ATG5: variants seen among roughly 807,000 people sequenced by gnomAD.
ATG5 encodes the protein autophagy protein 5.
Under a neutral mutation model 36.5 loss-of-function variants are expected in ATG5, and 14 were observed. The ratio of observed to expected loss-of-function variants is 0.38; its 90% CI spans 0.25 to 0.60. The LOEUF (loss-of-function observed/expected upper bound fraction) is 0.60, where lower values mean the gene tolerates loss of function less well. ATG5 is among the 20% of genes least tolerant of loss of function. The probability of loss-of-function intolerance (pLI) is 0.60; values close to 1 mark genes in which losing one functional copy is unlikely to be tolerated. For missense variants in ATG5, 195 were observed against 326.7 expected, an observed-to-expected ratio of 0.60 and a Z score of 3.11; for synonymous variants, 95 against 101.5, an observed-to-expected ratio of 0.94 and a Z score of 0.38.
rs374402837 is a variant in ATG5 at position 106,202,119 on chromosome 6, C to A, written c.574-30G>T. On this transcript the variant is annotated intron_variant, in intron 6 of 7. Coordinates refer to ENST00000369076, the MANE Select transcript of ATG5 (RefSeq NM_004849.4). Reference sequence around the variant, plus strand: ...TTGAAAAAGGAAAAAATGATTCAAGCAATTAAGTCTTTGTTGCTGCCAATT... The same window carrying A: ...TTGAAAAAGGAAAAAATGATTCAAGAAATTAAGTCTTTGTTGCTGCCAATT... 4 of 1,568,206 alleles carry A rather than the reference C, an allele frequency of 2.6e-6. No individual in the cohort carries two copies. The African/African-American group carries it at 4.1e-5, about 16-fold the overall frequency.
At chr6:106,197,031 A>C (rs9486304) in intron 7 of ATG5, among the ~76,000 whole-genome samples, 26,612 of 152,214 alleles carry the variant, frequency 0.17, 2,750 homozygotes, top group African/African-American at 0.28. Context: ...GGGACTAGCA[A>C]ATATGGATCA....
intron 2 of ATG5, among the ~76,000 whole-genome samples, chr6:106,313,773 G>A (rs997024024): frequency 5.9e-5 from 9 of 152,050 alleles, no homozygotes; most frequent in Non-Finnish European, 1.3e-4. Flanking sequence ...CATATTATCT[G>A]AACTACAGCT....
intron 7 of ATG5, among the ~76,000 whole-genome samples, chr6:106,199,455 GT>G (rs1776335115): frequency 6.6e-6 from 1 of 152,168 alleles, no homozygotes; most frequent in Non-Finnish European, 1.5e-5. Flanking sequence ...GAAAAAAACA[GT>G]TGCACAAGAC....
intron 6 of ATG5, among the ~76,000 whole-genome samples, chr6:106,210,676 G>C (rs1776819618): frequency 6.6e-6 from 1 of 152,118 alleles, no homozygotes; most frequent in Non-Finnish European, 1.5e-5. Context: ...TCCAATCCCA[G>C]CTCTGTCAAT....
In ATG5 at chr6:106,186,670, TC is replaced by T; in HGVS notation, c.697del (p.Glu233LysfsTer6). 6.2e-7 allele frequency: 1 copy of T among 1,613,324 alleles called. No homozygotes were observed. The highest frequency in any genetic ancestry group is 8.5e-7 in the Non-Finnish European group (1 of 1,179,812). ...CPSAIDPEDGEKKNQVMIHGI... is the reference protein window; with the variant it reads ...CPSAIDPEDGXKKNQVMIHGI... ...ATGAATCATCACTTGATTCTTTTTT[TC>T]CCCATCTATTCCAAGAAAGAAACCC... On this transcript the variant is annotated frameshift_variant, in exon 8 of 8. Transcript: ENST00000369076. LOFTEE classifies it high-confidence loss of function.
chr6:106,270,000 G>C (rs1417883768), intron 5 of ATG5, among the ~76,000 whole-genome samples: 1 of 152,184 alleles, frequency 6.6e-6, no homozygotes, highest in Non-Finnish European at 1.5e-5. Context: ...CGAAATAACT[G>C]CCTAAATGTT....
chr6:106,311,841 T>G (rs1770657297), intron 2 of ATG5, among the ~76,000 whole-genome samples: 1 of 151,894 alleles, frequency 6.6e-6, no homozygotes, highest in African/African-American at 2.4e-5. Context: ...TCTTTTTTTT[T>G]TTTTTTGAGA....
chr6:106,298,723 C>A (rs1770084355), intron 3 of ATG5, among the ~76,000 whole-genome samples: 1 of 152,064 alleles, frequency 6.6e-6, no homozygotes, highest in Admixed American at 6.6e-5. Context: ...CGGTTCAATA[C>A]AAATTTTTAT....
chr6:106,286,435 G>A (rs888457975), intron 4 of ATG5, among the ~76,000 whole-genome samples: 16 of 152,042 alleles, frequency 1.1e-4, no homozygotes, highest in African/African-American at 2.4e-4. Flanking sequence ...ACTCTGTCAC[G>A]GCTAAAAGTA....
At chr6:106,279,849 A>G (rs998252982) in intron 4 of ATG5, 26 bp from the exon 5 acceptor site, 3 of 1,408,708 alleles carry the variant, frequency 2.1e-6, no homozygotes, top group East Asian at 4.8e-5. Flanking sequence ...ATATACATAT[A>G]AAACAGGATA....
intron 6 of ATG5, among the ~76,000 whole-genome samples, chr6:106,205,547 T>G (rs1776596948): frequency 6.6e-6 from 1 of 152,122 alleles, no homozygotes; most frequent in Admixed American, 6.5e-5. Flanking sequence ...GTATCCATAA[T>G]AATTAAAACT....
intron 5 of ATG5, among the ~76,000 whole-genome samples, chr6:106,269,407 A>G (rs1363911242): frequency 1.3e-5 from 2 of 150,418 alleles, no homozygotes; most frequent in Non-Finnish European, 3.0e-5. Context: ...CGTGCCCCGC[A>G]CTCCTCAGCC....
chr6:106,234,804 C>T (rs975326112), intron 6 of ATG5, among the ~76,000 whole-genome samples: 2 of 152,186 alleles, frequency 1.3e-5, no homozygotes, highest in Non-Finnish European at 1.5e-5. Flanking sequence ...CTACTCAGTT[C>T]TACTACAAAC....
chr6:106,306,933 T>A (rs1311881829), intron 3 of ATG5, among the ~76,000 whole-genome samples: 2 of 152,194 alleles, frequency 1.3e-5, no homozygotes, highest in African/African-American at 2.4e-5. Flanking sequence ...AGGAGTCTGA[T>A]ACATGATCAT....
chr6:106,249,246 T>C (rs1292117979), intron 5 of ATG5, among the ~76,000 whole-genome samples: 1 of 152,214 alleles, frequency 6.6e-6, no homozygotes, highest in African/African-American at 2.4e-5. Flanking sequence ...TAACTATTAA[T>C]AGTCACTTCC....
chr6:106,282,052 T>C (rs1445537107), intron 4 of ATG5, among the ~76,000 whole-genome samples: 1 of 152,228 alleles, frequency 6.6e-6, no homozygotes, highest in Non-Finnish European at 1.5e-5. Flanking sequence ...TATGGTTGCA[T>C]ATGTAAATAC....
chr6:106,321,704 A>G (rs1000889017), intron 1 of ATG5, among the ~76,000 whole-genome samples: 2 of 152,176 alleles, frequency 1.3e-5, no homozygotes, highest in Non-Finnish European at 2.9e-5. Context: ...CTCCTTGGGA[A>G]GTTTTCCCCT....
At chr6:106,321,865 A>G (rs531406229) in intron 1 of ATG5, among the ~76,000 whole-genome samples, 27 of 152,310 alleles carry the variant, frequency 1.8e-4, no homozygotes, top group African/African-American at 5.8e-4. Context: ...CTTATCACCA[A>G]TATTAGTACA....
intron 2 of ATG5, among the ~76,000 whole-genome samples, chr6:106,309,647 GT>G (rs2114667649): frequency 6.6e-6 from 1 of 152,226 alleles, no homozygotes; most frequent in East Asian, 1.9e-4. Context: ...TATCGCCCCT[GT>G]TTTAAATAAC....
Sources: gnomAD v4.1 joint callset for allele counts (sites outside exome capture counted in the v4.1 genomes callset) on GRCh38, gnomAD v4.1.1 for gene constraint, MANE v1.5 for transcripts, NCBI Gene and HGNC (gene_info 2026-07-23, HGNC 2026-07-21) for gene names.